The following MUC5AC variants were observed in gnomAD, a reference collection of about 807,000 sequenced individuals.
The protein encoded by MUC5AC is mucin-5AC.
A neutral mutation model predicts 169.7 loss-of-function variants in MUC5AC; 158 were observed. The ratio of observed to expected loss-of-function variants is 0.93; its 90% CI spans 0.82 to 1.06. MUC5AC has a LOEUF of 1.06. Ranked by LOEUF, MUC5AC falls within the 50% of genes least tolerant of loss-of-function variation. MUC5AC has a pLI of 0.00. For synonymous variants in MUC5AC, 1,975 were observed against 1,237.0 expected (o/e 1.60, Z -12.52); for missense variants, 4,359 against 3,089.9 (o/e 1.41, Z -9.74).
At chr11:1,164,576 A>C in intron 9 of MUC5AC, 44 bp downstream of exon 9, 1 of 1,569,038 alleles carries the variant, frequency 6.4e-7, no homozygotes, top group Non-Finnish European at 8.6e-7. Context: ...CACCCCGACA[A>C]CTAGGGGGCT....
rs1463350647 is a variant in MUC5AC, at chr11:1,181,261, G to A, written c.3821-10G>A. The A allele has an allele frequency of 6.5e-5, 26 of 398,314 alleles. No individual in the cohort carries two copies. Among genetic ancestry groups the A allele is most frequent in the Middle Eastern group, 6.2e-4 (1 of 1,610 alleles). 24.7% of individuals were successfully genotyped at this position (398,314 alleles called of 1,614,324 possible). On this transcript the variant is annotated splice_polypyrimidine_tract_variant and intron_variant, in intron 29 of 48. Coordinates refer to ENST00000621226, the MANE Select transcript of MUC5AC (RefSeq NM_001304359.2). ...AGCCTCTGACGGGCCTGGGCCCTCC[G>A]TCCCCATAGCCTGTGTCTGCACCTA...
rs1478615290 is a variant in MUC5AC at position 1,187,802 on chromosome 11, C to A, written c.9657C>A (p.Thr3219=). Residue 3219 remains threonine (T), a synonymous_variant, in exon 31 of 49, where the codon ACC becomes ACA. Transcript: ENST00000621226. ...AGACAACCCACTCCCAACCAGTCAC[C>A]AGAGACTGTCATCTCCGGTGCACCT... is the stretch of plus-strand genomic sequence containing the variant. The part of the protein sequence containing the change: ...ISKTTHSQPV[T]RDCHLRCTWT... The A allele has an allele frequency of 1.6e-5, 12 of 765,002 alleles. No homozygotes were observed. In the African/African-American group the frequency reaches 2.0e-4, roughly 13 times the overall value. The allele number at this position is 765,002 out of a possible 1,614,324, so 47.4% of individuals were successfully genotyped here. A position where few individuals can be genotyped will look rare whatever the true frequency, so the allele number is the denominator to read the frequency against.
chr11:1,159,402 A>T (rs61867527), intron 1 of MUC5AC, among the ~76,000 whole-genome samples: 29,599 of 132,666 alleles, frequency 0.22, 3,636 homozygotes, highest in African/African-American at 0.39. Context: ...CAGTCCCACG[A>T]TGATGGTGCT....
intron 37 of MUC5AC, 84 bp from the exon 38 acceptor site, chr11:1,196,304 G>A: frequency 1.4e-6 from 1 of 739,222 alleles, no homozygotes; most frequent in Non-Finnish European, 2.5e-6. Context: ...GGCAGCTCCG[G>A]AGCAGATGTT....
chr11:1,186,323 G>A lies in MUC5AC; in HGVS notation c.8178G>A (p.Ser2726=), dbSNP rs1338884904. 2.3e-5 allele frequency: 15 copies of A among 658,672 alleles called. No homozygotes were observed. The highest frequency in any genetic ancestry group is 1.0e-4 in the African/African-American group (5 of 48,572). The allele number at this position is 658,672 out of a possible 1,614,324, so 40.8% of individuals were successfully genotyped here. The change falls in exon 31 of 49, where the codon TCG becomes TCA. Residue 2726 remains serine (S), a synonymous_variant. Transcript: ENST00000621226. Reference sequence around the variant, plus strand: ...CTGCCCCTACAACCAGCACAATCTCGGCCCCAACAACCAGCACAACCTCTG... The same window carrying A: ...CTGCCCCTACAACCAGCACAATCTCAGCCCCAACAACCAGCACAACCTCTG... ...TTSAPTTSTI[S]APTTSTTSAT...
chr11:1,189,212 C>T lies in MUC5AC; in HGVS notation c.11067C>T (p.Thr3689=), dbSNP rs1400594678. ...STTPASIPST[T]SAPTTSTTSA... ...CCCCTGCTTCTATACCCAGCACAAC[C>T]TCTGCCCCAACAACCAGCACAACCT... Residue 3689 remains threonine, a synonymous_variant, in exon 31 of 49, where the codon ACC becomes ACT. Transcript: ENST00000621226. 1.0e-5 allele frequency: 6 copies of T among 600,738 alleles called. No individual in the cohort carries two copies. In the Admixed American group the frequency reaches 1.1e-4, roughly 11 times the overall value. 37.2% of individuals were successfully genotyped at this position (600,738 alleles called of 1,614,324 possible). A position where few individuals can be genotyped will look rare whatever the true frequency, so the allele number is the denominator to read the frequency against.
Position 1,168,455 on chromosome 11 carries a change from G to A in MUC5AC, c.1498-28G>A, listed in dbSNP as rs1024612516. On this transcript the variant is annotated intron_variant, in intron 12 of 48. Coordinates refer to ENST00000621226, the MANE Select transcript of MUC5AC (RefSeq NM_001304359.2). Reference sequence around the variant, plus strand: ...CTGAGGTGCCGCAAGCCTGCCCCGCGCTCACACATCTGTCTGGCTGCCCTC... The same window carrying A: ...CTGAGGTGCCGCAAGCCTGCCCCGCACTCACACATCTGTCTGGCTGCCCTC... The A allele has an allele frequency of 7.5e-6, 12 of 1,608,768 alleles. No individual in the cohort carries two copies. In the African/African-American group the frequency reaches 1.1e-4, roughly 14 times the overall value.
At chr11:1,199,999 G>A (rs772934863) in intron 48 of MUC5AC, 30 bp downstream of exon 48, 5 of 728,084 alleles carry the variant, frequency 6.9e-6, no homozygotes, top group African/African-American at 1.7e-5. Context: ...GCAGGGAGAC[G>A]CGATTGGCTG....
rs1342226656 is a variant in MUC5AC at position 1,180,433 on chromosome 11, G to C, written c.3693G>C (p.Pro1231=). ...AGTGTGTGGCCACCTGCCCAACCCCGCCTCTGCCACCACGGTGCCACGTCC... is the reference window on the plus strand; with the variant it reads ...AGTGTGTGGCCACCTGCCCAACCCCCCCTCTGCCACCACGGTGCCACGTCC... The part of the protein sequence containing the change: ...KMQCVATCPT[P]PLPPRCHVHG... The change falls in exon 28 of 49, where the codon CCG becomes CCC. Residue 1231 remains proline (P), a synonymous_variant. Coordinates refer to ENST00000621226, the MANE Select transcript of MUC5AC (RefSeq NM_001304359.2). 4 of 398,736 alleles carry C rather than the reference G, an allele frequency of 1.0e-5. No individual in the cohort carries two copies. Among genetic ancestry groups the C allele is most frequent in the Admixed American group, 8.8e-5 (2 of 22,728 alleles). 24.7% of individuals were successfully genotyped at this position (398,736 alleles called of 1,614,324 possible). A position where few individuals can be genotyped will look rare whatever the true frequency, so the allele number is the denominator to read the frequency against.
Position 1,161,968 on chromosome 11 carries a change from C to T in MUC5AC, c.273C>T (p.Thr91=). 6.2e-7 allele frequency: 1 copy of T among 1,612,392 alleles called. No individual in the cohort carries two copies. Among genetic ancestry groups the T allele is most frequent in the Non-Finnish European group, 8.5e-7 (1 of 1,179,730 alleles). ...CCTGGGGCAGCTTCCACTACAAGAC[C>T]TTCGACGGCGACGTCTTCCGCTTCC... ...CSTWGSFHYK[T]FDGDVFRFPG... Residue 91 remains threonine, a synonymous_variant, in exon 4 of 49, where the codon ACC becomes ACT. Transcript: ENST00000621226.
At chr11:1,164,636 G>C in intron 9 of MUC5AC, 104 bp downstream of exon 9, 2 of 1,431,412 alleles carry the variant, frequency 1.4e-6, no homozygotes, top group Non-Finnish European at 1.8e-6. Flanking sequence ...CTAGTGTCCC[G>C]GGCCCCTGAG....
chr11:1,161,265 G>A (rs1222392709), intron 2 of MUC5AC, among the ~76,000 whole-genome samples: 1 of 152,148 alleles, frequency 6.6e-6, no homozygotes, highest in African/African-American at 2.4e-5. Flanking sequence ...CCATGGGCAT[G>A]TGAGAGCTGG....
At chr11:1,195,814 G>T in intron 36 of MUC5AC, 62 bp from the exon 37 acceptor site, 1 of 734,328 alleles carries the variant, frequency 1.4e-6, no homozygotes, top group South Asian at 1.4e-5. Flanking sequence ...CTGGGAGCCT[G>T]ACGTGGAGCA....
rs1861087861 is a variant in MUC5AC, at chr11:1,191,187, G to C, written c.13042G>C (p.Val4348Leu). 1 of 747,640 alleles carries C rather than the reference G, an allele frequency of 1.3e-6. No individual in the cohort carries two copies. The highest frequency in any genetic ancestry group is 2.5e-6 in the Non-Finnish European group (1 of 406,628). 46.3% of individuals were successfully genotyped at this position (747,640 alleles called of 1,614,324 possible). A position where few individuals can be genotyped will look rare whatever the true frequency, so the allele number is the denominator to read the frequency against. ...TSGPGSTPSP[V>L]PTTSTTSAPT... ...TGGTCCTGGAAGTACTCCCAGCCCTGTTCCCACCACCAGCACAACCTCTGC... is the reference window on the plus strand; with the variant it reads ...TGGTCCTGGAAGTACTCCCAGCCCTCTTCCCACCACCAGCACAACCTCTGC... Residue 4348 changes from valine (V) to leucine (L), a missense_variant, in exon 31 of 49, where the codon GTT becomes CTT. Coordinates refer to ENST00000621226, the MANE Select transcript of MUC5AC (RefSeq NM_001304359.2).
rs1219729709 is a variant in MUC5AC, at chr11:1,185,203, C to T, written c.7058C>T (p.Thr2353Ile). 1 of 733,238 alleles carries T rather than the reference C, an allele frequency of 1.4e-6. No homozygotes were observed. The highest frequency in any genetic ancestry group is 2.5e-5 in the East Asian group (1 of 39,380). The allele number at this position is 733,238 out of a possible 1,614,324, so 45.4% of individuals were successfully genotyped here. ...GGAACTACTCCCAGCCCTGTTCCTACCACCAGCATAACCTCTGCCCCTACA... is the reference window on the plus strand; with the variant it reads ...GGAACTACTCCCAGCCCTGTTCCTATCACCAGCATAACCTCTGCCCCTACA... ...GPGTTPSPVP[T>I]TSITSAPTTS... is the part of the protein sequence containing the mutation. Residue 2353 changes from threonine to isoleucine, a missense_variant, in exon 31 of 49, where the codon ACC becomes ATC. Coordinates refer to ENST00000621226, the MANE Select transcript of MUC5AC (RefSeq NM_001304359.2).
At chr11:1,179,717 G>T (rs1430563332) in intron 26 of MUC5AC, among the ~76,000 whole-genome samples, 1 of 151,924 alleles carries the variant, frequency 6.6e-6, no homozygotes, top group Non-Finnish European at 1.5e-5. Flanking sequence ...GTGGCTGACG[G>T]GTCGCTGGCG....
At position 1,200,752 on chromosome 11, in the gene MUC5AC, C is replaced by T. The variant is rs1254372020; in HGVS notation, c.*50C>T. ...CCAAGGAGAACCTCCCATATGTCCT[C>T]TGAGCTCGGCTTCCAAGGCCAGTGG... On this transcript the variant is annotated 3_prime_UTR_variant, in exon 49 of 49. Transcript: ENST00000621226. 1.0e-5 allele frequency: 7 copies of T among 671,680 alleles called. No individual in the cohort carries two copies. Among genetic ancestry groups the T allele is most frequent in the South Asian group, 1.0e-4 (6 of 60,042 alleles). 41.6% of individuals were successfully genotyped at this position (671,680 alleles called of 1,614,324 possible). A position where few individuals can be genotyped will look rare whatever the true frequency, so the allele number is the denominator to read the frequency against.
At chr11:1,169,895 G>A (rs1220331526) in intron 15 of MUC5AC, among the ~76,000 whole-genome samples, 3 of 37,638 alleles carry the variant, frequency 8.0e-5, no homozygotes, top group East Asian at 9.7e-4. Flanking sequence ...CCCACTCACC[G>A]ACTCAACCAT....
intron 17 of MUC5AC, 25 bp downstream of exon 17, chr11:1,174,647 CT>C: frequency 1.1e-6 from 1 of 891,086 alleles, no homozygotes; most frequent in Non-Finnish European, 1.7e-6. Flanking sequence ...AGCCCAGCCC[CT>C]TTCCCTCGCT....
Sources: allele counts gnomAD v4.1 joint callset (sites outside exome capture counted in the v4.1 genomes callset), GRCh38; gene constraint gnomAD v4.1.1; transcripts MANE v1.5; gene names NCBI Gene and HGNC (gene_info 2026-07-23, HGNC 2026-07-21).